FBLN1: variants seen among roughly 807,000 people sequenced by gnomAD.
The protein encoded by FBLN1 is fibulin-1.
Under a neutral mutation model 89.7 loss-of-function variants are expected in FBLN1, and 34 were observed. The ratio of observed to expected loss-of-function variants is 0.38; its 90% CI spans 0.29 to 0.50. FBLN1 has a LOEUF of 0.50. Among genes scored for constraint, FBLN1 ranks in the 20% least tolerant of loss-of-function variants. FBLN1 has a pLI of 0.92. For missense variants in FBLN1, 777 were observed against 988.1 expected, an observed-to-expected ratio of 0.79 and a Z score of 2.86; for synonymous variants, 393 against 391.3, an observed-to-expected ratio of 1.00 and a Z score of -0.05.
intron 14 of FBLN1, among the ~76,000 whole-genome samples, chr22:45,552,362 G>T (rs568233541): frequency 3.9e-4 from 60 of 152,300 alleles, no homozygotes; most frequent in African/African-American, 1.3e-3. Flanking sequence ...CCTGTGTGCT[G>T]TGCAGTAAGG....
chr22:45,546,362 G>A (rs191777210), intron 11 of FBLN1, among the ~76,000 whole-genome samples: 70 of 152,214 alleles, frequency 4.6e-4, no homozygotes, highest in African/African-American at 8.7e-4. Flanking sequence ...GACTACAGGT[G>A]CGTGCCACCA....
Position 45,525,551 on chromosome 22 carries a change from A to G in FBLN1, c.194A>G (p.Gln65Arg). The change falls in exon 3 of 17, where the codon CAG becomes CGG. Residue 65 changes from glutamine to arginine, a missense_variant. Physicochemically the swap from Gln to Arg is conservative, Grantham distance 43 (BLOSUM62 1). Transcript: ENST00000327858. ...ATESKECRMV[Q>R]EQCCHSQLEE... Reference sequence around the variant, plus strand: ...CCACCCCTCACCCACAGGATGGTGCAGGAGCAGTGCTGCCACAGCCAGCTG... The same window carrying G: ...CCACCCCTCACCCACAGGATGGTGCGGGAGCAGTGCTGCCACAGCCAGCTG... 6.5e-7 allele frequency: 1 copy of G among 1,549,304 alleles called. No individual in the cohort carries two copies. Among genetic ancestry groups the G allele is most frequent in the Non-Finnish European group, 8.7e-7 (1 of 1,146,808 alleles).
chr22:45,593,701 A>G (rs3788669), intron 16 of FBLN1, among the ~76,000 whole-genome samples: 45,194 of 151,782 alleles, frequency 0.3, 10,034 homozygotes, highest in African/African-American at 0.63. Flanking sequence ...AACTGCTCTC[A>G]CCCGGAGCCT....
At position 45,562,927 on chromosome 22, in the gene FBLN1, G is replaced by A. The variant is rs1174650777; in HGVS notation, c.1698-11584G>A. 1 of 1,613,976 alleles carries A rather than the reference G, an allele frequency of 6.2e-7. No individual in the cohort carries two copies. Among genetic ancestry groups the A allele is most frequent in the South Asian group, 1.1e-5 (1 of 91,088 alleles). On this transcript the variant is annotated intron_variant, in intron 14 of 16. Coordinates refer to ENST00000327858, the MANE Select transcript of FBLN1 (RefSeq NM_006486.3). This position sits in a 1 kb window ranked among gnomAD's most constrained non-coding sequence, Gnocchi z 7.8. Reference sequence around the variant, plus strand: ...TTTCTTGCAGCCGCTGTGAGCGCTTGCCTTGCCATGAGAATCGGGAGTGCT... The same window carrying A: ...TTTCTTGCAGCCGCTGTGAGCGCTTACCTTGCCATGAGAATCGGGAGTGCT...
chr22:45,528,085 G>A (rs2088355170), intron 4 of FBLN1, 76 bp downstream of exon 4: 2 of 1,538,146 alleles, frequency 1.3e-6, no homozygotes, highest in East Asian at 2.3e-5. Context: ...CGAGAGTGGA[G>A]AGAGAGAGAT....
At position 45,531,473 on chromosome 22, in the gene FBLN1, C is replaced by G. The variant is rs1417174795; in HGVS notation, c.544+149C>G. The G allele has an allele frequency of 1.4e-6, 1 of 709,506 alleles. No homozygotes were observed. Among genetic ancestry groups the G allele is most frequent in the African/African-American group, 1.8e-5 (1 of 57,098 alleles). The allele number at this position is 709,506 out of a possible 1,614,324, so 44.0% of individuals were successfully genotyped here. On this transcript the variant is annotated intron_variant, in intron 5 of 16. Coordinates refer to ENST00000327858, the MANE Select transcript of FBLN1 (RefSeq NM_006486.3). This position sits in a 1 kb window ranked among gnomAD's most constrained non-coding sequence, Gnocchi z 4.9. ...AGGTTGTGGCTGCAGTGAGCTATGA[C>G]TGCACCTTTGCACTCTAGCCTGGGC...
At position 45,531,985 on chromosome 22, in the gene FBLN1, A is replaced by C. The variant is rs928091246; in HGVS notation, c.544+661A>C. Among the ~76,000 whole-genome samples the C allele has an allele frequency of 1.3e-5, 2 of 152,226 alleles. No homozygotes were observed. Among genetic ancestry groups the C allele is most frequent in the African/African-American group, 4.8e-5 (2 of 41,458 alleles). ...TTGCCTCACAGGGAGATGTCTGCAC[A>C]TTTAACTAAGGGCCTCGCAGGTTTG... On this transcript the variant is annotated intron_variant, in intron 5 of 16. Coordinates refer to ENST00000327858, the MANE Select transcript of FBLN1 (RefSeq NM_006486.3). This position sits in a 1 kb window ranked among gnomAD's most constrained non-coding sequence, Gnocchi z 4.9.
chr22:45,582,941 G>A (rs192002232), intron 16 of FBLN1, among the ~76,000 whole-genome samples: 7 of 152,164 alleles, frequency 4.6e-5, no homozygotes, highest in Admixed American at 4.6e-4. Context: ...GCCCAAGGCT[G>A]CCCTGGGCCT....
chr22:45,548,605 C>G lies in FBLN1; in HGVS notation c.1442-8C>G, dbSNP rs376122438. 6 of 1,613,502 alleles carry G rather than the reference C, an allele frequency of 3.7e-6. No homozygotes were observed. Among genetic ancestry groups the G allele is most frequent in the Non-Finnish European group, 5.1e-6 (6 of 1,179,978 alleles). ...ACACTGAGGCTGAGGTGGGCTTTGC[C>G]GTTGCAGACATCGACGAGTGCGCCC... On this transcript the variant is annotated splice_polypyrimidine_tract_variant and splice_region_variant and intron_variant, in intron 12 of 16. Transcript: ENST00000327858.
At position 45,531,671 on chromosome 22, in the gene FBLN1, G is replaced by C. The variant is rs6007080; in HGVS notation, c.544+347G>C. Among the ~76,000 whole-genome samples the C allele has an allele frequency of 0.095, 14,513 of 152,244 alleles. 2,310 individuals carry two copies. The highest frequency in any genetic ancestry group is 0.33 in the African/African-American group (13,659 of 41,502). Reference sequence around the variant, plus strand: ...TGAGCCACTTCCACCCTGAGGAGTCGTGGACTCCCAGCTCCTCCTTCCCTT... The same window carrying C: ...TGAGCCACTTCCACCCTGAGGAGTCCTGGACTCCCAGCTCCTCCTTCCCTT... On this transcript the variant is annotated intron_variant, in intron 5 of 16. Coordinates refer to ENST00000327858, the MANE Select transcript of FBLN1 (RefSeq NM_006486.3). This position sits in a 1 kb window ranked among gnomAD's most constrained non-coding sequence, Gnocchi z 4.9.
intron 1 of FBLN1, among the ~76,000 whole-genome samples, chr22:45,516,630 C>T (rs2088172957): frequency 6.6e-6 from 1 of 152,070 alleles, no homozygotes; most frequent in African/African-American, 2.4e-5. Context: ...AAGAGCATCG[C>T]TGGAGAGGGG....
In FBLN1 at chr22:45,572,283, G is replaced by A. The variant is rs2088958622; in HGVS notation, c.1698-2228G>A. On this transcript the variant is annotated intron_variant, in intron 14 of 16. Coordinates refer to ENST00000327858, the MANE Select transcript of FBLN1 (RefSeq NM_006486.3). This position sits in a 1 kb window ranked among gnomAD's most constrained non-coding sequence, Gnocchi z 5.8. Reference sequence around the variant, plus strand: ...ATCAGATAGCAAGAAAGCTGTGAAAGACGACAAGGGCTGGGCCAAAAGGAC... The same window carrying A: ...ATCAGATAGCAAGAAAGCTGTGAAAAACGACAAGGGCTGGGCCAAAAGGAC... Among the ~76,000 whole-genome samples the A allele has an allele frequency of 6.6e-6, 1 of 152,198 alleles. No individual in the cohort carries two copies. The highest frequency in any genetic ancestry group is 1.5e-5 in the Non-Finnish European group (1 of 68,038).
In FBLN1 at chr22:45,600,426, GTC is replaced by G; in HGVS notation, c.2096_2097del (p.Ser699Ter). On this transcript the variant is annotated frameshift_variant, in exon 17 of 17. Coordinates refer to ENST00000327858, the MANE Select transcript of FBLN1 (RefSeq NM_006486.3). LOFTEE classifies it high-confidence loss of function. ...AAATGTTGTCAACGTCCACATCTTC[GTC>G]TCTGAGTACTGGTTCTGAGGGCTGG... ...HRNVVNVHIFVSEYWF is the reference protein window; with the variant it reads ...HRNVVNVHIFXSEYWF The G allele has an allele frequency of 6.2e-7, 1 of 1,614,196 alleles. No individual in the cohort carries two copies. The highest frequency in any genetic ancestry group is 1.6e-4 in the Middle Eastern group (1 of 6,062).
chr22:45,542,993 G>A (rs576316008), intron 10 of FBLN1, among the ~76,000 whole-genome samples: 3 of 152,248 alleles, frequency 2.0e-5, no homozygotes, highest in South Asian at 4.1e-4. Flanking sequence ...GAGGCCAGGC[G>A]CGATGGCTCA....
chr22:45,565,157 T>C (rs773028228), intron 14 of FBLN1: 10 of 1,569,312 alleles, frequency 6.4e-6, no homozygotes, highest in South Asian at 5.6e-5. Flanking sequence ...TCCCATGTTG[T>C]AGTACATTCT....
At chr22:45,504,128 T>G (rs1032607336) in intron 1 of FBLN1, among the ~76,000 whole-genome samples, 4 of 150,466 alleles carry the variant, frequency 2.7e-5, no homozygotes, top group Non-Finnish European at 5.9e-5. Flanking sequence ...GAGTTCCTTT[T>G]AACCTCTGGT....
At chr22:45,589,820 G>A (rs936480325) in intron 16 of FBLN1, among the ~76,000 whole-genome samples, 1 of 146,234 alleles carries the variant, frequency 6.8e-6, no homozygotes, top group South Asian at 2.1e-4. Context: ...CACCCTCCCC[G>A]CAGAGCACCC....
intron 10 of FBLN1, among the ~76,000 whole-genome samples, chr22:45,542,718 T>C (rs1264631636): frequency 6.6e-6 from 1 of 152,194 alleles, no homozygotes; most frequent in East Asian, 1.9e-4. Context: ...CAGTGCCTGC[T>C]GTCACCAAAC....
chr22:45,584,125 G>C (rs1246988631), intron 16 of FBLN1, among the ~76,000 whole-genome samples: 2 of 152,206 alleles, frequency 1.3e-5, no homozygotes, highest in African/African-American at 4.8e-5. Flanking sequence ...AAGGGTGACT[G>C]AGCCCTGCTC....
Sources: allele counts gnomAD v4.1 joint callset (sites outside exome capture counted in the v4.1 genomes callset), GRCh38; gene constraint gnomAD v4.1.1; non-coding constraint Gnocchi (gnomAD v3.1); transcripts MANE v1.5; gene names NCBI Gene and HGNC (gene_info 2026-07-23, HGNC 2026-07-21).